The following ARMC9 variants were observed in gnomAD, a reference collection of about 807,000 sequenced individuals.
ARMC9 encodes armadillo repeat containing 9.
A neutral mutation model predicts 107.0 loss-of-function variants in ARMC9; 94 were observed. The ratio of observed to expected loss-of-function variants is 0.88; its 90% CI spans 0.74 to 1.04. The LOEUF is 1.04. ARMC9 is among the 50% of genes least tolerant of loss of function. ARMC9 has a pLI of 0.00. For missense variants in ARMC9, 942 were observed against 1,030.1 expected, an observed-to-expected ratio of 0.91 and a Z score of 1.17; for synonymous variants, 380 against 396.9, an observed-to-expected ratio of 0.96 and a Z score of 0.51.
Position 231,324,369 on chromosome 2 carries a change from G to A in ARMC9, c.1774-7424G>A, listed in dbSNP as rs181983894. Among the ~76,000 whole-genome samples, 444 of 149,474 alleles carry A rather than the reference G, an allele frequency of 3.0e-3. 3 individuals are homozygous for A. Among genetic ancestry groups the A allele is most frequent in the African/African-American group, 0.01 (411 of 40,606 alleles). ...TCTTGAACGCCTGACCTCGTAATCC[G>A]CCCACCTCGGCCTCCCAAAGTGCTG... On this transcript the variant is annotated intron_variant, in intron 19 of 24. Coordinates refer to ENST00000611582, the MANE Select transcript of ARMC9 (RefSeq NM_001352754.2).
chr2:231,206,983 A>G (rs2032102275), intron 2 of ARMC9, among the ~76,000 whole-genome samples: 1 of 152,204 alleles, frequency 6.6e-6, no homozygotes, highest in Non-Finnish European at 1.5e-5. Flanking sequence ...GATGGCGAAT[A>G]TATTCTTTTT....
intron 1 of ARMC9, among the ~76,000 whole-genome samples, chr2:231,202,601 T>C (rs2031240103): frequency 6.6e-6 from 1 of 152,064 alleles, no homozygotes; most frequent in Non-Finnish European, 1.5e-5. Context: ...AGATTACAGG[T>C]GTGAGCCACT....
At position 231,276,516 on chromosome 2, in the gene ARMC9, C is replaced by T. The variant is rs1210645232; in HGVS notation, c.1335-120C>T. Reference sequence around the variant, plus strand: ...AACTCCTGACCTCAGGTGATCCGTCCGCCTTGGCCTCCCAAAGTGCTGGGA... The same window carrying T: ...AACTCCTGACCTCAGGTGATCCGTCTGCCTTGGCCTCCCAAAGTGCTGGGA... On this transcript the variant is annotated intron_variant, in intron 14 of 24. Coordinates refer to ENST00000611582, the MANE Select transcript of ARMC9 (RefSeq NM_001352754.2). 35 of 1,353,306 alleles carry T rather than the reference C, an allele frequency of 2.6e-5. 1 individual carries two copies. Among genetic ancestry groups the T allele is most frequent in the African/African-American group, 7.3e-5 (5 of 68,818 alleles). 83.8% of individuals were successfully genotyped at this position (1,353,306 alleles called of 1,614,324 possible).
intron 2 of ARMC9, 142 bp from the exon 3 acceptor site, chr2:231,207,985 A>G (rs2032275263): frequency 7.7e-6 from 4 of 521,780 alleles, no homozygotes; most frequent in Admixed American, 7.3e-5. Context: ...TCTGATTGTT[A>G]GTGATGTTAA....
chr2:231,333,105 CT>C (rs1054278812), intron 20 of ARMC9, among the ~76,000 whole-genome samples: 1 of 152,202 alleles, frequency 6.6e-6, no homozygotes, highest in African/African-American at 2.4e-5. Context: ...ACTGGGCCCC[CT>C]GGTCACCTGG....
At chr2:231,249,414 T>C (rs1037731333) in intron 9 of ARMC9, among the ~76,000 whole-genome samples, 6 of 151,976 alleles carry the variant, frequency 3.9e-5, no homozygotes, top group Non-Finnish European at 8.8e-5. Context: ...TTCCTTACCT[T>C]ACACCTCCTG....
intron 15 of ARMC9, 128 bp from the exon 16 acceptor site, chr2:231,278,254 A>T: frequency 1.2e-6 from 1 of 850,538 alleles, no homozygotes; most frequent in Non-Finnish European, 2.0e-6. Context: ...ACCCGAGGTC[A>T]TACAGCTCAC....
intron 20 of ARMC9, among the ~76,000 whole-genome samples, chr2:231,337,744 C>G (rs2044231473): frequency 6.6e-6 from 1 of 152,088 alleles, no homozygotes; most frequent in Non-Finnish European, 1.5e-5. Flanking sequence ...TATTCTTGTG[C>G]ATGAAAACAC....
chr2:231,243,591 G>T (rs1559342370), intron 9 of ARMC9, among the ~76,000 whole-genome samples: 1 of 152,218 alleles, frequency 6.6e-6, no homozygotes, highest in African/African-American at 2.4e-5. Context: ...GGAAACCAGA[G>T]GAGGGAGGAT....
chr2:231,295,069 C>T (rs571336677), intron 18 of ARMC9: 1 of 152,178 alleles, frequency 6.6e-6, no homozygotes, highest in Non-Finnish European at 1.5e-5. Flanking sequence ...GTGGGTGCAC[C>T]CTGCCTGCCA....
chr2:231,279,504 CTTTTTTCTTTTTTTTT>C (rs2040031551), intron 16 of ARMC9, among the ~76,000 whole-genome samples: 2 of 139,572 alleles, frequency 1.4e-5, no homozygotes, highest in African/African-American at 2.8e-5. Context: ...TCTTTTTTTT[CTTTTTTCTTTTTTTTT>C]TTTTTTTTGA....
At chr2:231,242,493 GT>G (rs1486134293) in intron 9 of ARMC9, among the ~76,000 whole-genome samples, 1 of 152,154 alleles carries the variant, frequency 6.6e-6, no homozygotes, top group Non-Finnish European at 1.5e-5. Flanking sequence ...TCTTAGAAAA[GT>G]AACTTCCTCA....
At chr2:231,256,473 CA>C in intron 9 of ARMC9, 112 bp from the exon 10 acceptor site, 2 of 1,418,706 alleles carry the variant, frequency 1.4e-6, no homozygotes, top group Admixed American at 2.0e-5. Flanking sequence ...AAAAAAAACC[CA>C]AAAAACCTAA....
intron 17 of ARMC9, among the ~76,000 whole-genome samples, chr2:231,285,334 T>C (rs770145121): frequency 6.6e-6 from 1 of 152,058 alleles, no homozygotes; most frequent in Non-Finnish European, 1.5e-5. Context: ...AAAGGAAATG[T>C]GGATTACTTA....
chr2:231,269,302 T>A (rs2125427849), intron 12 of ARMC9, among the ~76,000 whole-genome samples: 1 of 152,232 alleles, frequency 6.6e-6, no homozygotes, highest in South Asian at 2.1e-4. Flanking sequence ...GTGTTCTCTC[T>A]CTGAATGTTG....
chr2:231,313,795 C>G (rs532495194), intron 19 of ARMC9, among the ~76,000 whole-genome samples: 75 of 152,138 alleles, frequency 4.9e-4, no homozygotes, highest in Non-Finnish European at 1.0e-3. Context: ...ACTCTTGTCA[C>G]GCAGGCTGGA....
chr2:231,289,841 C>A (rs1290941938), intron 17 of ARMC9, among the ~76,000 whole-genome samples: 1 of 152,176 alleles, frequency 6.6e-6, no homozygotes, highest in Non-Finnish European at 1.5e-5. Context: ...AAGGTTCTAT[C>A]CTAACCCTCT....
At chr2:231,357,250 G>A (rs944965616) in intron 22 of ARMC9, among the ~76,000 whole-genome samples, 7 of 152,208 alleles carry the variant, frequency 4.6e-5, no homozygotes, top group East Asian at 1.9e-4. Flanking sequence ...GGTCACGGGC[G>A]GTTGCCAGTG....
At chr2:231,368,613 G>A (rs1411046504) in intron 23 of ARMC9, among the ~76,000 whole-genome samples, 1 of 152,142 alleles carries the variant, frequency 6.6e-6, no homozygotes, top group Non-Finnish European at 1.5e-5. Context: ...GGGGAATAGT[G>A]TTATGAGTGA....
Sources: allele counts gnomAD v4.1 joint callset (sites outside exome capture counted in the v4.1 genomes callset), GRCh38; gene constraint gnomAD v4.1.1; transcripts MANE v1.5; gene names NCBI Gene and HGNC (gene_info 2026-07-23, HGNC 2026-07-21).